The following SH3RF3 variants were observed in gnomAD, a reference collection of about 807,000 sequenced individuals.
SH3RF3 encodes the protein SH3 domain containing ring finger 3.
Under a neutral mutation model 66.3 loss-of-function variants are expected in SH3RF3, and 29 were observed. The ratio of observed to expected loss-of-function variants is 0.44; its 90% CI spans 0.33 to 0.60. SH3RF3 has a LOEUF of 0.60. SH3RF3 is among the 20% of genes least tolerant of loss of function. The pLI, the probability that SH3RF3 is intolerant of heterozygous loss-of-function variation, is 0.04. For missense variants in SH3RF3, 1,194 were observed against 1,190.9 expected (o/e 1.00, Z -0.04); for synonymous variants, 583 against 532.0 (o/e 1.10, Z -1.32).
At chr2:109,462,620 A>G (rs1678235852) in intron 8 of SH3RF3, among the ~76,000 whole-genome samples, 1 of 151,994 alleles carries the variant, frequency 6.6e-6, no homozygotes, top group African/African-American at 2.4e-5. Context: ...TTATTTTACC[A>G]TTTTCTGAAA....
At chr2:109,425,518 T>G (rs1216644648) in intron 5 of SH3RF3, among the ~76,000 whole-genome samples, 1 of 152,218 alleles carries the variant, frequency 6.6e-6, no homozygotes, top group Non-Finnish European at 1.5e-5. Context: ...ATGCAGCTGG[T>G]GACTCTAAGT....
intron 3 of SH3RF3, among the ~76,000 whole-genome samples, chr2:109,378,748 C>T (rs540319343): frequency 2.3e-4 from 35 of 152,306 alleles, no homozygotes; most frequent in African/African-American, 7.9e-4. Context: ...CTACTCCATG[C>T]CCCATGACTT....
chr2:109,301,247 C>G (rs1357178026), intron 1 of SH3RF3, among the ~76,000 whole-genome samples: 1 of 151,968 alleles, frequency 6.6e-6, no homozygotes, highest in Non-Finnish European at 1.5e-5. Flanking sequence ...CACCGGGACT[C>G]AGACTTTCTC....
intron 3 of SH3RF3, among the ~76,000 whole-genome samples, chr2:109,383,118 G>A (rs1440945470): frequency 2.0e-5 from 3 of 152,246 alleles, no homozygotes; most frequent in African/African-American, 7.2e-5. Context: ...TTGTCCCCAG[G>A]CAGACCTTGT....
intron 1 of SH3RF3, among the ~76,000 whole-genome samples, chr2:109,276,527 T>C (rs1005559022): frequency 7.2e-5 from 11 of 152,196 alleles, no homozygotes; most frequent in Admixed American, 7.2e-4. Flanking sequence ...ATGTATTTTC[T>C]CACCTGGAAA....
At chr2:109,206,066 G>A (rs763431918) in intron 1 of SH3RF3, among the ~76,000 whole-genome samples, 2 of 152,142 alleles carry the variant, frequency 1.3e-5, no homozygotes, top group East Asian at 1.9e-4. Flanking sequence ...TCCAGCCTCC[G>A]CGGTGGGCAT....
intron 1 of SH3RF3, among the ~76,000 whole-genome samples, chr2:109,138,778 A>T (rs1676869596): frequency 6.6e-6 from 1 of 152,202 alleles, no homozygotes; most frequent in South Asian, 2.1e-4. Context: ...GCTCTTGAAG[A>T]CTGGCCCAGA....
chr2:109,284,645 A>G (rs574805847), intron 1 of SH3RF3, among the ~76,000 whole-genome samples: 98 of 152,342 alleles, frequency 6.4e-4, no homozygotes, highest in African/African-American at 2.3e-3. Flanking sequence ...TGCCAATGTC[A>G]TGGGTTAGAC....
At chr2:109,248,852 T>A (rs1200059933) in intron 1 of SH3RF3, among the ~76,000 whole-genome samples, 1 of 129,292 alleles carries the variant, frequency 7.7e-6, no homozygotes, top group African/African-American at 3.9e-5. Flanking sequence ...TTCGTTTTCC[T>A]TTTTCCTTTC....
At chr2:109,165,333 A>T (rs7570494) in intron 1 of SH3RF3, among the ~76,000 whole-genome samples, 1 of 152,096 alleles carries the variant, frequency 6.6e-6, no homozygotes, top group East Asian at 1.9e-4. Flanking sequence ...TCCCTCCCTC[A>T]TCCTTCCTGC....
At chr2:109,232,581 G>A (rs1378945271) in intron 1 of SH3RF3, among the ~76,000 whole-genome samples, 3 of 152,148 alleles carry the variant, frequency 2.0e-5, no homozygotes, top group African/African-American at 7.2e-5. Context: ...ATGCCTAAAA[G>A]GAGACCAACT....
intron 1 of SH3RF3, among the ~76,000 whole-genome samples, chr2:109,164,431 G>C (rs992095303): frequency 2.0e-5 from 3 of 152,172 alleles, no homozygotes; most frequent in Non-Finnish European, 4.4e-5. Context: ...CAGTTCTCCT[G>C]CCTCAGCTTC....
At chr2:109,296,470 G>C (rs934991807) in intron 1 of SH3RF3, among the ~76,000 whole-genome samples, 2 of 151,926 alleles carry the variant, frequency 1.3e-5, no homozygotes, top group African/African-American at 4.8e-5. Flanking sequence ...TCAAACTCCT[G>C]ATCTCAAGTG....
At chr2:109,409,923 A>G (rs1422920735) in intron 4 of SH3RF3, among the ~76,000 whole-genome samples, 1 of 152,090 alleles carries the variant, frequency 6.6e-6, no homozygotes, top group Non-Finnish European at 1.5e-5. Flanking sequence ...TGTTTTCTGG[A>G]CTTACATTAA....
chr2:109,188,207 C>T (rs558221293), intron 1 of SH3RF3, among the ~76,000 whole-genome samples: 2 of 152,356 alleles, frequency 1.3e-5, no homozygotes, highest in South Asian at 4.1e-4. Context: ...AAGGGCTTTC[C>T]TGCTGCAGCT....
At chr2:109,170,254 C>A (rs374719359) in intron 1 of SH3RF3, among the ~76,000 whole-genome samples, 1 of 15,592 alleles carries the variant, frequency 6.4e-5, no homozygotes, top group Middle Eastern at 0.056. Flanking sequence ...TTTCTCTTCT[C>A]TTCTCTTCTC....
chr2:109,174,906 C>CTTT (rs1677882085), intron 1 of SH3RF3, among the ~76,000 whole-genome samples: 4 of 152,230 alleles, frequency 2.6e-5, no homozygotes, highest in Admixed American at 2.0e-4. Flanking sequence ...TTAGGCTTGT[C>CTTT]TAGCACTGAT....
intron 1 of SH3RF3, among the ~76,000 whole-genome samples, chr2:109,218,147 G>A (rs926535414): frequency 8.3e-6 from 1 of 120,966 alleles, no homozygotes. Flanking sequence ...CTCCTTTTCT[G>A]TTCTATTAAA....
In SH3RF3 at chr2:109,425,071, T is replaced by C. The variant is rs200308303; in HGVS notation, c.1403+5429T>C. ...TAAGAAAGTGAAACAGCCTAATTGC[T>C]GATACGGAGAATGTTTGAGTGGCCT... is the stretch of plus-strand genomic sequence containing the variant. On this transcript the variant is annotated intron_variant, in intron 5 of 9. Transcript: ENST00000309415. 7.9e-5 allele frequency among the ~76,000 whole-genome samples: 12 copies of C among 152,246 alleles called. No individual in the cohort carries two copies. In the East Asian group the frequency reaches 2.3e-3, roughly 29 times the overall value.
Sources: gnomAD v4.1 joint callset for allele counts (sites outside exome capture counted in the v4.1 genomes callset) on GRCh38, gnomAD v4.1.1 for gene constraint, MANE v1.5 for transcripts, NCBI Gene and HGNC (gene_info 2026-07-23, HGNC 2026-07-21) for gene names.